Variants in CNBD2 observed in about 807,000 individuals in gnomAD.
CNBD2 encodes the protein cyclic nucleotide binding domain containing 2, also known as cyclic nucleotide-binding domain-containing protein 2.
In CNBD2, 64 loss-of-function variants were observed where a neutral mutation model predicts 63.7. The observed-to-expected ratio is 1.00, with a 90% CI of 0.82 to 1.24. The LOEUF (loss-of-function observed/expected upper bound fraction) is 1.24. CNBD2 is among the 50% of genes most tolerant of loss of function. The pLI is 0.00. For missense variants in CNBD2, 691 were observed against 713.5 expected (o/e 0.97, Z 0.36); for synonymous variants, 229 against 255.4 (o/e 0.90, Z 0.99).
chr20:35,995,785 T>C (rs1290622328), intron 8 of CNBD2, among the ~76,000 whole-genome samples: 2 of 152,252 alleles, frequency 1.3e-5, no homozygotes, highest in African/African-American at 2.4e-5. Flanking sequence ...GTATTACCTA[T>C]ATGCCTAGGA....
At chr20:36,014,654 G>A (rs979071640) in intron 10 of CNBD2, among the ~76,000 whole-genome samples, 7 of 151,268 alleles carry the variant, frequency 4.6e-5, no homozygotes, top group African/African-American at 1.2e-4. Flanking sequence ...TTAAGAGACA[G>A]GGTCTTGCTC....
rs1463812652 is a variant in CNBD2, at chr20:36,030,411, G to C, written c.1494G>C (p.Arg498=). 1 of 1,614,162 alleles carries C rather than the reference G, an allele frequency of 6.2e-7. No individual in the cohort carries two copies. Among genetic ancestry groups the C allele is most frequent in the South Asian group, 1.1e-5 (1 of 91,072 alleles). The change falls in exon 12 of 12, where the codon CGG becomes CGC. Residue 498 remains arginine (R), a synonymous_variant. Coordinates refer to ENST00000373973, the MANE Select transcript of CNBD2 (RefSeq NM_001365709.1). ...FLQQNSWNIF[R]KDLLQLLVEP... ...AGCAGAACAGCTGGAATATCTTTCG[G>C]AAGGACCTGTTGCAGCTGCTCGTGG...
chr20:36,016,675 G>C (rs980764462), intron 10 of CNBD2, among the ~76,000 whole-genome samples: 1 of 151,744 alleles, frequency 6.6e-6, no homozygotes, highest in Non-Finnish European at 1.5e-5. Context: ...TGTAACCCCA[G>C]GTACTCGGGA....
intron 8 of CNBD2, among the ~76,000 whole-genome samples, chr20:36,003,353 A>G (rs1475143368): frequency 1.3e-5 from 2 of 152,136 alleles, no homozygotes; most frequent in Admixed American, 6.6e-5. Flanking sequence ...GAAAATGTGA[A>G]TTTTGAGTAC....
At position 35,983,956 on chromosome 20, in the gene CNBD2, A is replaced by G. The variant is rs762796028; in HGVS notation, c.408-26A>G. ...GGACCTGCCCCCATGTCACTACCCA[A>G]TCAACTAGCAGTGGTCTTTTCCCAG... is the stretch of plus-strand genomic sequence containing the variant. On this transcript the variant is annotated intron_variant, in intron 4 of 11. Coordinates refer to ENST00000373973, the MANE Select transcript of CNBD2 (RefSeq NM_001365709.1). 27 of 1,613,904 alleles carry G rather than the reference A, an allele frequency of 1.7e-5. No homozygotes were observed. The South Asian group carries it at 2.7e-4, about 16-fold the overall frequency.
chr20:36,024,493 G>A (rs967425276), intron 11 of CNBD2, among the ~76,000 whole-genome samples: 5 of 151,820 alleles, frequency 3.3e-5, no homozygotes, highest in African/African-American at 4.8e-5. Flanking sequence ...GCCAGGCATG[G>A]TAGTGGGCCT....
chr20:35,964,745 C>T (rs1426408077), upstream of CNBD2, among the ~76,000 whole-genome samples: 2 of 151,572 alleles, frequency 1.3e-5, no homozygotes, highest in African/African-American at 4.9e-5. Context: ...ACTCTGTTGC[C>T]AGGCTGGAGT....
intron 8 of CNBD2, among the ~76,000 whole-genome samples, chr20:36,002,362 G>A (rs934801756): frequency 2.6e-5 from 4 of 152,234 alleles, no homozygotes; most frequent in Admixed American, 6.5e-5. Context: ...GTCCAGCTTC[G>A]GCTGGGCAGC....
chr20:35,963,444 C>A (rs1360674582), intron 2 of CNBD2, among the ~76,000 whole-genome samples: 1 of 151,854 alleles, frequency 6.6e-6, no homozygotes, highest in African/African-American at 2.4e-5. Context: ...AGTTCGAGAC[C>A]AGCCTGGCCA....
intron 4 of CNBD2, among the ~76,000 whole-genome samples, chr20:35,983,344 G>T (rs1323122540): frequency 6.6e-6 from 1 of 152,016 alleles, no homozygotes; most frequent in Non-Finnish European, 1.5e-5. Context: ...AATATCGAAA[G>T]AATTGAGATT....
chr20:35,980,573 T>C lies in CNBD2; in HGVS notation c.358T>C (p.Tyr120His), dbSNP rs2056583724. The C allele has an allele frequency of 6.2e-7, 1 of 1,614,058 alleles. No individual in the cohort carries two copies. Residue 120 changes from tyrosine (Y) to histidine (H), a missense_variant, in exon 4 of 12, where the codon TAC becomes CAC. Tyr to His is a moderately conservative substitution (Grantham distance 83). Transcript: ENST00000373973. The stretch of plus-strand genomic sequence containing the variant: ...GCAGGTTCTGGATAGCTATCGGAAC[T>C]ACGCAGAGCCCCTGCAGCTGCTCCT... ...ILQVLDSYRN[Y>H]AEPLQLLLAK...
At chr20:35,958,292 C>G (rs1365477647), downstream of CNBD2, among the ~76,000 whole-genome samples, 1 of 152,060 alleles carries the variant, frequency 6.6e-6, no homozygotes, top group African/African-American at 2.4e-5. Flanking sequence ...ATTAGCTGGG[C>G]ATGGTGGCAG....
At chr20:36,006,157 T>C (rs1170737625) in intron 8 of CNBD2, among the ~76,000 whole-genome samples, 1 of 150,410 alleles carries the variant, frequency 6.6e-6, no homozygotes, top group Non-Finnish European at 1.5e-5. Context: ...GCCTCTGGAG[T>C]AGCTGGGATT....
At chr20:35,956,459 G>T (rs774087701), downstream of CNBD2, among the ~76,000 whole-genome samples, 3 of 152,210 alleles carry the variant, frequency 2.0e-5, no homozygotes, top group Non-Finnish European at 4.4e-5. Flanking sequence ...AAGATACTCT[G>T]TCCCATTTGG....
At chr20:35,959,677 G>A (rs376700132), downstream of CNBD2, among the ~76,000 whole-genome samples, 10 of 152,250 alleles carry the variant, frequency 6.6e-5, no homozygotes, top group Admixed American at 2.0e-4. Flanking sequence ...ATTTGGGTGC[G>A]GATACAGCCA....
intron 10 of CNBD2, among the ~76,000 whole-genome samples, chr20:36,016,075 T>G (rs1601095288): frequency 6.6e-6 from 1 of 152,228 alleles, no homozygotes; most frequent in East Asian, 1.9e-4. Flanking sequence ...TCATTTAACC[T>G]CTGTGGCCAT....
At chr20:36,028,022 G>A (rs2057301768) in intron 11 of CNBD2, among the ~76,000 whole-genome samples, 1 of 152,076 alleles carries the variant, frequency 6.6e-6, no homozygotes, top group Middle Eastern at 3.2e-3. Flanking sequence ...GCCAACACTG[G>A]GGCAGTCTTG....
chr20:36,019,436 T>C (rs2057177723), intron 10 of CNBD2, among the ~76,000 whole-genome samples: 2 of 143,316 alleles, frequency 1.4e-5, no homozygotes, highest in South Asian at 4.3e-4. Flanking sequence ...GGCAGGAGGA[T>C]CCCTTGAGCC....
At chr20:35,998,463 A>C (rs2147283948) in intron 8 of CNBD2, among the ~76,000 whole-genome samples, 1 of 152,340 alleles carries the variant, frequency 6.6e-6, no homozygotes, top group Non-Finnish European at 1.5e-5. Context: ...CATTTGAAAA[A>C]AACTTGCTGT....
Sources: gnomAD v4.1 joint callset for allele counts (sites outside exome capture counted in the v4.1 genomes callset) on GRCh38, gnomAD v4.1.1 for gene constraint, MANE v1.5 for transcripts, NCBI Gene and HGNC (gene_info 2026-07-23, HGNC 2026-07-21) for gene names.